The following CNTNAP2 variants were observed in gnomAD, a reference collection of about 807,000 sequenced individuals.
The protein encoded by CNTNAP2 is contactin associated protein 2, also known as contactin-associated protein-like 2.
CNTNAP2 carries 98 observed loss-of-function variants against 155.2 expected under a neutral mutation model. The observed-to-expected ratio is 0.63, with a 90% CI of 0.54 to 0.75. The LOEUF (loss-of-function observed/expected upper bound fraction) is 0.75. Among genes scored for constraint, CNTNAP2 ranks in the 30% least tolerant of loss-of-function variants. The pLI is 0.00. For missense variants in CNTNAP2, 1,727 were observed against 1,688.1 expected (o/e 1.02, Z -0.40); for synonymous variants, 651 against 631.2 (o/e 1.03, Z -0.47).
At chr7:147,744,309 A>G (rs906282836) in intron 13 of CNTNAP2, among the ~76,000 whole-genome samples, 1 of 152,210 alleles carries the variant, frequency 6.6e-6, no homozygotes, top group African/African-American at 2.4e-5. Flanking sequence ...AATTAATTCA[A>G]TAAGCAGAAT....
chr7:146,244,177 C>T (rs1406885430), intron 1 of CNTNAP2, among the ~76,000 whole-genome samples: 3 of 152,042 alleles, frequency 2.0e-5, no homozygotes, highest in African/African-American at 4.8e-5. Context: ...TTAGAGAGTG[C>T]CTAAGGAGGT....
chr7:146,625,855 C>CA (rs1430551634), intron 1 of CNTNAP2, among the ~76,000 whole-genome samples: 1 of 152,030 alleles, frequency 6.6e-6, no homozygotes, highest in East Asian at 1.9e-4. Flanking sequence ...CCAGTGTACT[C>CA]ACACAAGCTG....
intron 3 of CNTNAP2, among the ~76,000 whole-genome samples, chr7:146,926,109 C>T (rs1796603300): frequency 6.6e-6 from 1 of 152,118 alleles, no homozygotes; most frequent in Admixed American, 6.5e-5. Context: ...GACTGTGGTA[C>T]ATGGCCTTTG....
At chr7:147,082,317 CTT>C (rs1184048140) in intron 4 of CNTNAP2, among the ~76,000 whole-genome samples, 2 of 152,190 alleles carry the variant, frequency 1.3e-5, no homozygotes, top group Admixed American at 6.5e-5. Flanking sequence ...ATCGCTGCCT[CTT>C]TGAACTGAGG....
chr7:147,328,354 T>G (rs963126866), intron 9 of CNTNAP2, among the ~76,000 whole-genome samples: 1 of 152,202 alleles, frequency 6.6e-6, no homozygotes, highest in Non-Finnish European at 1.5e-5. Context: ...TTCTGTGAAT[T>G]CAACAACTAA....
chr7:146,854,685 C>A (rs1794943037), intron 3 of CNTNAP2, among the ~76,000 whole-genome samples: 1 of 152,080 alleles, frequency 6.6e-6, no homozygotes, highest in Non-Finnish European at 1.5e-5. Context: ...TAGTATAGCA[C>A]ATAGTATTAT....
intron 21 of CNTNAP2, among the ~76,000 whole-genome samples, chr7:148,276,058 A>C (rs929594498): frequency 1.3e-5 from 2 of 152,170 alleles, no homozygotes; most frequent in Admixed American, 1.3e-4. Flanking sequence ...GTTCAGATCA[A>C]AGGCGGCTTT....
chr7:146,905,993 A>G (rs1796114788), intron 3 of CNTNAP2, among the ~76,000 whole-genome samples: 1 of 152,152 alleles, frequency 6.6e-6, no homozygotes, highest in Non-Finnish European at 1.5e-5. Flanking sequence ...TCACCTGGGA[A>G]GCGCAAGGGG....
At chr7:147,302,593 G>A (rs1794964600) in intron 9 of CNTNAP2, among the ~76,000 whole-genome samples, 1 of 152,200 alleles carries the variant, frequency 6.6e-6, no homozygotes, top group Admixed American at 6.5e-5. Context: ...CTGGCTCTCA[G>A]GCCCCACCTC....
At chr7:146,159,455 A>G (rs1221773294) in intron 1 of CNTNAP2, among the ~76,000 whole-genome samples, 1 of 152,000 alleles carries the variant, frequency 6.6e-6, no homozygotes, top group Non-Finnish European at 1.5e-5. Context: ...CAAATTGGAT[A>G]AAGAGTCAAG....
rs537334916 is a variant in CNTNAP2 at position 147,263,736 on chromosome 7, T to C, written c.1349-36405T>C. Among the ~76,000 whole-genome samples the C allele has an allele frequency of 9.8e-5, 15 of 152,306 alleles. 1 individual carries two copies. The South Asian group carries it at 2.7e-3, about 27-fold the overall frequency. ...ACGTGGTCCTATAGTATAGAAATCA[T>C]ATGTAGAAATTGATTCAGCTCTGAT... is the stretch of plus-strand genomic sequence containing the variant. On this transcript the variant is annotated intron_variant, in intron 8 of 23. Coordinates refer to ENST00000361727, the MANE Select transcript of CNTNAP2 (RefSeq NM_014141.6).
intron 10 of CNTNAP2, among the ~76,000 whole-genome samples, chr7:147,456,069 T>TG (rs575701889): frequency 1.5e-3 from 226 of 152,300 alleles, no homozygotes; most frequent in Middle Eastern, 3.4e-3. Context: ...TGTATGTATA[T>TG]GACTATATTT....
At chr7:147,496,651 A>G (rs1482248528) in intron 11 of CNTNAP2, 1 of 152,274 alleles carries the variant, frequency 6.6e-6, no homozygotes, top group East Asian at 1.9e-4. Flanking sequence ...AGCTGCATCA[A>G]ATTTATGTCT....
intron 9 of CNTNAP2, among the ~76,000 whole-genome samples, chr7:147,317,496 T>C (rs2692157): frequency 0.15 from 23,146 of 152,088 alleles, 2,901 homozygotes; most frequent in East Asian, 0.7. Context: ...GCTAATAGAG[T>C]GTTATGCTGC....
chr7:146,706,339 A>C (rs1399655209), intron 1 of CNTNAP2, among the ~76,000 whole-genome samples: 1 of 152,172 alleles, frequency 6.6e-6, no homozygotes, highest in African/African-American at 2.4e-5. Context: ...GTTAGGCATT[A>C]AGAAAGTAAG....
intron 11 of CNTNAP2, among the ~76,000 whole-genome samples, chr7:147,548,904 G>GC (rs1045711315): frequency 6.6e-6 from 1 of 152,030 alleles, no homozygotes; most frequent in Non-Finnish European, 1.5e-5. Flanking sequence ...TTGTCAAAGA[G>GC]CAGATGCTTG....
intron 1 of CNTNAP2, among the ~76,000 whole-genome samples, chr7:146,151,402 C>T (rs985128408): frequency 3.3e-5 from 5 of 151,452 alleles, no homozygotes; most frequent in Non-Finnish European, 5.9e-5. Context: ...TGGTGCCACC[C>T]ACCCAATACA....
At chr7:147,816,528 C>A (rs1354849807) in intron 13 of CNTNAP2, among the ~76,000 whole-genome samples, 3 of 152,034 alleles carry the variant, frequency 2.0e-5, no homozygotes, top group African/African-American at 7.2e-5. Flanking sequence ...GGATCTTGAG[C>A]TAGAATTTTA....
At chr7:148,128,041 T>C (rs1048490742) in intron 16 of CNTNAP2, among the ~76,000 whole-genome samples, 1 of 152,098 alleles carries the variant, frequency 6.6e-6, no homozygotes, top group African/African-American at 2.4e-5. Context: ...GGTTAATTTT[T>C]GTATTTTTTG....
Sources: gnomAD v4.1 joint callset for allele counts (sites outside exome capture counted in the v4.1 genomes callset) on GRCh38, gnomAD v4.1.1 for gene constraint, MANE v1.5 for transcripts, NCBI Gene and HGNC (gene_info 2026-07-23, HGNC 2026-07-21) for gene names.